The following ROCK2 variants were observed in gnomAD, a reference collection of about 807,000 sequenced individuals.
The protein encoded by ROCK2 is rho-associated protein kinase 2.
ROCK2 carries 61 observed loss-of-function variants against 195.1 expected under a neutral mutation model. The observed-to-expected ratio is 0.31, with a 90% CI of 0.25 to 0.39. ROCK2 has a LOEUF of 0.39. ROCK2 is among the 10% of genes least tolerant of loss of function. The pLI is 1.00. For missense variants in ROCK2, 1,109 were observed against 1,637.4 expected, an observed-to-expected ratio of 0.68 and a Z score of 5.57; for synonymous variants, 504 against 545.5, an observed-to-expected ratio of 0.92 and a Z score of 1.06.
rs1181637695 is a variant in ROCK2, at chr2:11,235,392, T to C, written c.723+310A>G. On this transcript the variant is annotated intron_variant, in intron 5 of 32. Transcript: ENST00000315872. The surrounding 1 kb of genome is among the most constrained non-coding windows in gnomAD (Gnocchi z 4.2). ...TACCTTAATTTAGATTTTGTGTCCTTCTTCACCTAAATTATACATATGAAC... is the reference window on the plus strand; with the variant it reads ...TACCTTAATTTAGATTTTGTGTCCTCCTTCACCTAAATTATACATATGAAC... 6.6e-6 allele frequency among the ~76,000 whole-genome samples: 1 copy of C among 152,166 alleles called. No individual in the cohort carries two copies. Among genetic ancestry groups the C allele is most frequent in the African/African-American group, 2.4e-5 (1 of 41,448 alleles).
chr2:11,243,595 T>C (rs944220316), intron 4 of ROCK2, among the ~76,000 whole-genome samples: 4 of 152,058 alleles, frequency 2.6e-5, no homozygotes, highest in African/African-American at 9.7e-5. Flanking sequence ...ATAACCCTAG[T>C]ATAATTAATA....
chr2:11,282,190 A>C (rs1384319941), intron 3 of ROCK2, among the ~76,000 whole-genome samples: 1 of 152,040 alleles, frequency 6.6e-6, no homozygotes, highest in Non-Finnish European at 1.5e-5. Flanking sequence ...ATCTTTACTA[A>C]AAATACAAAA....
At chr2:11,329,144 T>C (rs1668640272) in intron 1 of ROCK2, among the ~76,000 whole-genome samples, 2 of 152,138 alleles carry the variant, frequency 1.3e-5, no homozygotes, top group African/African-American at 2.4e-5. Context: ...TCATTTTCCT[T>C]CATTTTTTGC....
intron 1 of ROCK2, chr2:11,308,418 A>T: frequency 6.2e-7 from 1 of 1,604,492 alleles, no homozygotes; most frequent in Non-Finnish European, 8.5e-7. Flanking sequence ...GAATCTGAAG[A>T]AGATGAAGAA....
At chr2:11,188,960 T>C (rs747699007) in intron 32 of ROCK2, among the ~76,000 whole-genome samples, 9 of 150,534 alleles carry the variant, frequency 6.0e-5, no homozygotes, top group Middle Eastern at 3.4e-3. Flanking sequence ...TGCTTGAACC[T>C]GGAAGGTGGA....
intron 32 of ROCK2, among the ~76,000 whole-genome samples, chr2:11,185,928 AT>A (rs1663180722): frequency 6.6e-6 from 1 of 152,168 alleles, no homozygotes; most frequent in Non-Finnish European, 1.5e-5. Context: ...AGTGTATATG[AT>A]TTACCTACTG....
chr2:11,286,756 G>A lies in ROCK2; in HGVS notation c.224-117C>T, dbSNP rs1667207761. On this transcript the variant is annotated intron_variant, in intron 2 of 32. Transcript: ENST00000315872. ...AGACAGTTTTTAGCTAAACTTGCCAGTTTTTAAAGGCTGTTAGTTAAAAAT... is the reference window on the plus strand; with the variant it reads ...AGACAGTTTTTAGCTAAACTTGCCAATTTTTAAAGGCTGTTAGTTAAAAAT... 12 of 571,698 alleles carry A rather than the reference G, an allele frequency of 2.1e-5. 1 individual carries two copies. The highest frequency in any genetic ancestry group is 1.4e-4 in the South Asian group (5 of 36,232). The allele number at this position is 571,698 out of a possible 1,614,324, so 35.4% of individuals were successfully genotyped here.
chr2:11,343,227 GAAAT>G (rs1376757787), intron 1 of ROCK2, among the ~76,000 whole-genome samples: 7 of 152,074 alleles, frequency 4.6e-5, no homozygotes, highest in Admixed American at 4.6e-4. Context: ...ACAAAAATAA[GAAAT>G]AAGCCAGCAT....
At chr2:11,281,208 TAAA>T (rs1173116040) in intron 3 of ROCK2, among the ~76,000 whole-genome samples, 20 of 100,604 alleles carry the variant, frequency 2.0e-4, no homozygotes, top group Admixed American at 1.2e-3. Context: ...ACTCATTATT[TAAA>T]AAAAAAAAAA....
At position 11,216,199 on chromosome 2, in the gene ROCK2, TAACAG is replaced by T; in HGVS notation, c.1415_1419del (p.Ser472Ter). 6.2e-7 allele frequency: 1 copy of T among 1,608,596 alleles called. No individual in the cohort carries two copies. The highest frequency in any genetic ancestry group is 8.5e-7 in the Non-Finnish European group (1 of 1,175,372). Reference sequence around the variant, plus strand: ...TTTGCTGTTTTTTCTAGGCGAGTATTAACAGATCTAAAGAATTTCAGAAAGAAACA... The same window carrying T: ...TTTGCTGTTTTTTCTAGGCGAGTATTATCTAAAGAATTTCAGAAAGAAACA... On this transcript the variant is annotated frameshift_variant and splice_region_variant, in exon 13 of 33. Transcript: ENST00000315872. LOFTEE classifies it high-confidence loss of function.
chr2:11,208,828 T>G (rs1187417273), intron 18 of ROCK2, among the ~76,000 whole-genome samples: 1 of 152,046 alleles, frequency 6.6e-6, no homozygotes, highest in African/African-American at 2.4e-5. Context: ...CCTGGCCTCA[T>G]GCAATCCACC....
At chr2:11,184,181 C>T (rs1663107540) in intron 32 of ROCK2, among the ~76,000 whole-genome samples, 1 of 152,112 alleles carries the variant, frequency 6.6e-6, no homozygotes, top group Non-Finnish European at 1.5e-5. Context: ...GCACCACACA[C>T]AAAAATGCCA....
intron 1 of ROCK2, among the ~76,000 whole-genome samples, chr2:11,325,618 G>A (rs192301051): frequency 2.0e-4 from 31 of 152,276 alleles, no homozygotes; most frequent in Middle Eastern, 3.4e-3. Flanking sequence ...GTCAGCAGAA[G>A]TTAGATCACA....
intron 1 of ROCK2, among the ~76,000 whole-genome samples, chr2:11,331,484 T>C (rs1432522823): frequency 2.0e-5 from 3 of 152,102 alleles, no homozygotes; most frequent in Admixed American, 1.3e-4. Flanking sequence ...AAGATAAAAT[T>C]TGGGTCAACA....
At chr2:11,268,522 CTGTGTGTG>C (rs70953378) in intron 3 of ROCK2, among the ~76,000 whole-genome samples, 88 of 140,656 alleles carry the variant, frequency 6.3e-4, no homozygotes, top group East Asian at 1.9e-3. Context: ...CAGTTTTGCA[CTGTGTGTG>C]TGTGTGTGTG....
At chr2:11,307,838 C>G (rs1460380235) in intron 1 of ROCK2, among the ~76,000 whole-genome samples, 1 of 152,118 alleles carries the variant, frequency 6.6e-6, no homozygotes, top group Non-Finnish European at 1.5e-5. Flanking sequence ...TGTCATTAGT[C>G]CCTAAACAAT....
chr2:11,252,941 TAA>T (rs1445801262), intron 3 of ROCK2, among the ~76,000 whole-genome samples: 1 of 61,924 alleles, frequency 1.6e-5, no homozygotes, highest in African/African-American at 1.2e-4. Flanking sequence ...CTTAAAAGTA[TAA>T]TAATAATAAT....
In ROCK2 at chr2:11,260,757, A is replaced by T. The variant is rs186159127; in HGVS notation, c.325-10959T>A. Among the ~76,000 whole-genome samples, 423 of 152,364 alleles carry T rather than the reference A, an allele frequency of 2.8e-3. 2 individuals are homozygous for T. Among genetic ancestry groups the T allele is most frequent in the African/African-American group, 9.7e-3 (404 of 41,580 alleles). ...ATATTTAAACTAGCATTTACATATGAGATAACTAAACAGAAAAACAAATAT... is the reference window on the plus strand; with the variant it reads ...ATATTTAAACTAGCATTTACATATGTGATAACTAAACAGAAAAACAAATAT... On this transcript the variant is annotated intron_variant, in intron 3 of 32. Coordinates refer to ENST00000315872, the MANE Select transcript of ROCK2 (RefSeq NM_004850.5).
In ROCK2 at chr2:11,273,516, A is replaced by G. The variant is rs565528221; in HGVS notation, c.324+13023T>C. ...TCAAAATATATGATGCAAAAACAGA[A>G]CTGAGGGAGAAATAGACAGCTCTAT... On this transcript the variant is annotated intron_variant, in intron 3 of 32. Transcript: ENST00000315872. 3.3e-5 allele frequency among the ~76,000 whole-genome samples: 5 copies of G among 152,324 alleles called. No individual in the cohort carries two copies. In the South Asian group the frequency reaches 1.0e-3, roughly 32 times the overall value.
Sources: allele counts gnomAD v4.1 joint callset (sites outside exome capture counted in the v4.1 genomes callset), GRCh38; gene constraint gnomAD v4.1.1; non-coding constraint Gnocchi (gnomAD v3.1); transcripts MANE v1.5; gene names NCBI Gene and HGNC (gene_info 2026-07-23, HGNC 2026-07-21).